AGBL4: variants seen among roughly 807,000 people sequenced by gnomAD.
AGBL4 encodes AGBL carboxypeptidase 4.
AGBL4 carries 58 observed loss-of-function variants against 66.4 expected under a neutral mutation model. The observed-to-expected ratio is 0.87, with a 90% CI of 0.71 to 1.09. The LOEUF (loss-of-function observed/expected upper bound fraction) is 1.09, where lower values mean the gene tolerates loss of function less well. AGBL4 is among the 50% of genes least tolerant of loss of function. The pLI is 0.00. For synonymous variants in AGBL4, 234 were observed against 222.9 expected (o/e 1.05, Z -0.44); for missense variants, 579 against 631.0 (o/e 0.92, Z 0.88).
intron 5 of AGBL4, among the ~76,000 whole-genome samples, chr1:48,997,095 G>A (rs1043544064): frequency 1.3e-5 from 2 of 152,004 alleles, no homozygotes; most frequent in Non-Finnish European, 2.9e-5. Context: ...GCTAGTTTTT[G>A]TAATTTTAGT....
At chr1:49,323,620 C>T (rs1223844344) in intron 3 of AGBL4, among the ~76,000 whole-genome samples, 3 of 151,848 alleles carry the variant, frequency 2.0e-5, no homozygotes, top group Admixed American at 1.3e-4. Context: ...CTGCTGTTTC[C>T]ATCACTTAAA....
chr1:49,845,888 C>T (rs1646129194), intron 2 of AGBL4: 10 of 1,415,846 alleles, frequency 7.1e-6, no homozygotes, highest in South Asian at 1.2e-5. Context: ...CCTCACACAC[C>T]AGCAAATCCA....
chr1:49,457,574 A>G (rs1381840670), intron 3 of AGBL4, among the ~76,000 whole-genome samples: 2 of 151,696 alleles, frequency 1.3e-5, no homozygotes, highest in Non-Finnish European at 2.9e-5. Flanking sequence ...ACTCGGTTCC[A>G]TCTTTTTATC....
chr1:49,003,887 T>C (rs1209691434), intron 5 of AGBL4, among the ~76,000 whole-genome samples: 2 of 152,334 alleles, frequency 1.3e-5, no homozygotes, highest in East Asian at 3.9e-4. Flanking sequence ...ACAGGAGCCA[T>C]TGCTGGTTCC....
intron 1 of AGBL4, among the ~76,000 whole-genome samples, chr1:49,917,259 A>T (rs1002668073): frequency 1.5e-4 from 23 of 152,258 alleles, no homozygotes; most frequent in Admixed American, 7.2e-4. Context: ...TGTAAATGGA[A>T]TAAATGCTCC....
chr1:50,008,778 C>G (rs530232287), intron 1 of AGBL4, among the ~76,000 whole-genome samples: 2 of 151,790 alleles, frequency 1.3e-5, no homozygotes, highest in Non-Finnish European at 2.9e-5. Context: ...GAAGAAAAGA[C>G]AAGTCTCAAA....
At chr1:48,602,814 C>T (rs1359909777) in intron 9 of AGBL4, among the ~76,000 whole-genome samples, 1 of 152,154 alleles carries the variant, frequency 6.6e-6, no homozygotes, top group African/African-American at 2.4e-5. Context: ...TCTCATCTTG[C>T]CCCTTTTCTC....
chr1:49,842,907 T>C (rs1418140210), intron 2 of AGBL4, among the ~76,000 whole-genome samples: 1 of 152,182 alleles, frequency 6.6e-6, no homozygotes. Flanking sequence ...GTAAAAGCAC[T>C]CTGACCTCAG....
intron 2 of AGBL4, among the ~76,000 whole-genome samples, chr1:49,843,047 C>T (rs1467809505): frequency 6.6e-6 from 1 of 152,124 alleles, no homozygotes; most frequent in Non-Finnish European, 1.5e-5. Context: ...CAGGCAATTT[C>T]CCATTGGCAT....
rs577504287 is a variant in AGBL4, at chr1:48,729,753, AG to A, written c.635-66513del. On this transcript the variant is annotated intron_variant, in intron 6 of 13. Coordinates refer to ENST00000371839, the MANE Select transcript of AGBL4 (RefSeq NM_032785.4). Reference sequence around the variant, plus strand: ...ACCTGCTATAAGCATTCTTTCTCTGAGGCACCCTTTTCTTTCCACCGAGAAG... The same window carrying A: ...ACCTGCTATAAGCATTCTTTCTCTGAGCACCCTTTTCTTTCCACCGAGAAG... 1.3e-4 allele frequency among the ~76,000 whole-genome samples: 19 copies of A among 150,860 alleles called. No homozygotes were observed. The South Asian group carries it at 3.8e-3, about 30-fold the overall frequency.
chr1:49,238,698 G>C (rs1275108608), intron 4 of AGBL4, among the ~76,000 whole-genome samples: 2 of 152,146 alleles, frequency 1.3e-5, no homozygotes, highest in African/African-American at 4.8e-5. Flanking sequence ...TTTCCCCATT[G>C]TGTTTGGCTG....
chr1:48,845,667 T>C (rs1558035338), intron 6 of AGBL4, among the ~76,000 whole-genome samples: 1 of 152,190 alleles, frequency 6.6e-6, no homozygotes, highest in Non-Finnish European at 1.5e-5. Context: ...TAACAACCTT[T>C]TGAGATTTTC....
Position 48,742,769 on chromosome 1 carries a change from G to T in AGBL4, c.635-79528C>A, listed in dbSNP as rs550048480. On this transcript the variant is annotated intron_variant, in intron 6 of 13. Transcript: ENST00000371839. ...TTTACTTTTTCCAGATCAATGGCGG[G>T]ACCTAGGCAGTTAAGAAAAGAAATC... 6 of 1,575,308 alleles carry T rather than the reference G, an allele frequency of 3.8e-6. No homozygotes were observed. The South Asian group carries it at 7.0e-5, about 18-fold the overall frequency.
At chr1:48,842,364 C>A (rs1166445308) in intron 6 of AGBL4, among the ~76,000 whole-genome samples, 1 of 152,002 alleles carries the variant, frequency 6.6e-6, no homozygotes, top group Non-Finnish European at 1.5e-5. Flanking sequence ...AAGATCAGAG[C>A]GATAAATGAA....
intron 3 of AGBL4, among the ~76,000 whole-genome samples, chr1:49,539,778 G>T (rs533507611): frequency 6.6e-6 from 1 of 152,316 alleles, no homozygotes; most frequent in Non-Finnish European, 1.5e-5. Context: ...AGGCTTGCCA[G>T]AAGAGGAGCC....
intron 1 of AGBL4, among the ~76,000 whole-genome samples, chr1:49,939,847 A>C (rs1251999341): frequency 1.3e-5 from 2 of 152,238 alleles, no homozygotes; most frequent in East Asian, 3.8e-4. Context: ...CAAAATTGAC[A>C]AATGGGATCT....
chr1:48,679,249 A>G (rs1646416669), intron 6 of AGBL4, among the ~76,000 whole-genome samples: 1 of 152,216 alleles, frequency 6.6e-6, no homozygotes, highest in African/African-American at 2.4e-5. Flanking sequence ...TTTTGCAACT[A>G]CTTTGAGTTG....
intron 7 of AGBL4, among the ~76,000 whole-genome samples, chr1:48,657,422 T>C (rs1646038148): frequency 6.6e-6 from 1 of 152,158 alleles, no homozygotes; most frequent in Non-Finnish European, 1.5e-5. Flanking sequence ...GGGTCAGATA[T>C]GGGCTTTGGA....
Position 49,105,845 on chromosome 1 carries a change from T to C in AGBL4, c.378-60045A>G, listed in dbSNP as rs551877225. Among the ~76,000 whole-genome samples the C allele has an allele frequency of 2.0e-5, 3 of 152,312 alleles. No individual in the cohort carries two copies. The South Asian group carries it at 6.2e-4, about 32-fold the overall frequency. ...TGACACAATAAATTCTCAATAAATG[T>C]TCCTTTTTTTGATGATAATCCAATT... is the stretch of plus-strand genomic sequence containing the variant. On this transcript the variant is annotated intron_variant, in intron 4 of 13. Transcript: ENST00000371839.
Sources: gnomAD v4.1 joint callset for allele counts (sites outside exome capture counted in the v4.1 genomes callset) on GRCh38, gnomAD v4.1.1 for gene constraint, MANE v1.5 for transcripts, NCBI Gene and HGNC (gene_info 2026-07-23, HGNC 2026-07-21) for gene names.